Variants in DAB1 observed in about 807,000 individuals in gnomAD.
DAB1 encodes the protein DAB adaptor protein 1, also known as disabled homolog 1.
A neutral mutation model predicts 64.6 loss-of-function variants in DAB1; 15 were observed. The observed-to-expected ratio is 0.23, with a 90% CI of 0.16 to 0.36. The LOEUF is 0.36. DAB1 is among the 10% of genes least tolerant of loss of function. DAB1 has a pLI of 1.00. For synonymous variants in DAB1, 235 were observed against 251.9 expected (o/e 0.93, Z 0.64); for missense variants, 596 against 706.7 (o/e 0.84, Z 1.78).
At chr1:57,705,717 GATCA>G (rs930722266) in intron 6 of DAB1, among the ~76,000 whole-genome samples, 3 of 151,984 alleles carry the variant, frequency 2.0e-5, no homozygotes, top group African/African-American at 7.2e-5. Flanking sequence ...TAATATTGTA[GATCA>G]ATCTTATTTT....
intron 14 of DAB1, among the ~76,000 whole-genome samples, chr1:57,002,490 G>A (rs768507075): frequency 7.9e-5 from 12 of 152,206 alleles, no homozygotes; most frequent in Non-Finnish European, 1.6e-4. Flanking sequence ...GTCATAATGT[G>A]GGGGTAATTC....
At chr1:57,425,940 G>T (rs991230913), upstream of DAB1, among the ~76,000 whole-genome samples, 1 of 152,154 alleles carries the variant, frequency 6.6e-6, no homozygotes, top group Non-Finnish European at 1.5e-5. Context: ...CTTCATCTAT[G>T]AAGACACATC....
intron 1 of DAB1, among the ~76,000 whole-genome samples, chr1:57,422,547 C>T (rs1413295408): frequency 1.3e-5 from 2 of 152,192 alleles, no homozygotes; most frequent in African/African-American, 4.8e-5. Context: ...ACATACACAC[C>T]GGAGCGCACA....
At chr1:57,463,216 A>G (rs1477943921) in intron 7 of DAB1, among the ~76,000 whole-genome samples, 1 of 152,186 alleles carries the variant, frequency 6.6e-6, no homozygotes, top group East Asian at 1.9e-4. Context: ...TGGAGCCTCA[A>G]TCTCCCATGT....
chr1:57,861,494 A>G (rs1654031698), intron 1 of DAB1, among the ~76,000 whole-genome samples: 1 of 152,122 alleles, frequency 6.6e-6, no homozygotes, highest in Admixed American at 6.6e-5. Flanking sequence ...AAATACCATC[A>G]CACTGGGAAT....
intron 7 of DAB1, among the ~76,000 whole-genome samples, chr1:57,465,687 T>A (rs749792625): frequency 1.3e-5 from 2 of 152,204 alleles, no homozygotes; most frequent in Non-Finnish European, 2.9e-5. Context: ...AAAACTGGTA[T>A]AATGAGGTCC....
intron 5 of DAB1, among the ~76,000 whole-genome samples, chr1:58,097,207 C>T (rs1235959162): frequency 6.6e-6 from 1 of 152,104 alleles, no homozygotes; most frequent in Non-Finnish European, 1.5e-5. Flanking sequence ...CTATTTTTAC[C>T]CCCACTTCAC....
At chr1:57,880,974 G>A (rs1644135041) in intron 1 of DAB1, 1 of 152,150 alleles carries the variant, frequency 6.6e-6, no homozygotes, top group African/African-American at 2.4e-5. Context: ...TAGAAAGATG[G>A]TGTCTTTGAA....
At chr1:57,309,195 G>A (rs2100726821) in intron 1 of DAB1, among the ~76,000 whole-genome samples, 1 of 152,286 alleles carries the variant, frequency 6.6e-6, no homozygotes, top group East Asian at 1.9e-4. Context: ...GATGAAGAAT[G>A]ATCTTAGAAA....
At chr1:58,207,609 C>T (rs1485151596) in intron 4 of DAB1, among the ~76,000 whole-genome samples, 1 of 152,186 alleles carries the variant, frequency 6.6e-6, no homozygotes, top group Non-Finnish European at 1.5e-5. Flanking sequence ...GGTTTTAATA[C>T]TGGAAGCCCC....
chr1:58,343,655 G>T (rs1031060056), intron 3 of DAB1, among the ~76,000 whole-genome samples: 1 of 152,226 alleles, frequency 6.6e-6, no homozygotes, highest in African/African-American at 2.4e-5. Context: ...AAACCACATT[G>T]CCAGCGGCAT....
chr1:57,046,680 A>G, intron 9 of DAB1, among the ~76,000 whole-genome samples: 1 of 152,238 alleles, frequency 6.6e-6, no homozygotes, highest in East Asian at 1.9e-4. Flanking sequence ...GACTCACAGC[A>G]GCAGCAGCAG....
intron 5 of DAB1, among the ~76,000 whole-genome samples, chr1:58,113,344 C>G (rs1057134447): frequency 6.6e-6 from 1 of 152,138 alleles, no homozygotes; most frequent in African/African-American, 2.4e-5. Context: ...TTTGGGCAAC[C>G]TGGTGGCTCG....
chr1:57,732,488 G>C (rs1301640101), intron 6 of DAB1, among the ~76,000 whole-genome samples: 1 of 152,168 alleles, frequency 6.6e-6, no homozygotes, highest in Non-Finnish European at 1.5e-5. Context: ...CTACTGGAGA[G>C]AGTACTCTTG....
chr1:57,337,262 T>A (rs1263987802), intron 1 of DAB1, among the ~76,000 whole-genome samples: 1 of 152,254 alleles, frequency 6.6e-6, no homozygotes. Flanking sequence ...CAGATTCTTT[T>A]ATGATATTAT....
chr1:57,369,340 C>T lies in DAB1; in HGVS notation c.-137+54590G>A, dbSNP rs181768780. Among the ~76,000 whole-genome samples the T allele has an allele frequency of 2.3e-3, 350 of 152,280 alleles. 3 individuals carry two copies. The highest frequency in any genetic ancestry group is 3.4e-3 in the Middle Eastern group (1 of 294). ...TCAGGGGTTGATGCCCACGTAGTAT[C>T]AAGATATACATTCAAGGGATTATCT... is the stretch of plus-strand genomic sequence containing the variant. On this transcript the variant is annotated intron_variant, in intron 1 of 14. Coordinates refer to ENST00000371236, the MANE Select transcript of DAB1 (RefSeq NM_001365792.1).
chr1:57,692,278 T>C (rs576441927), intron 6 of DAB1, among the ~76,000 whole-genome samples: 1 of 152,226 alleles, frequency 6.6e-6, no homozygotes, highest in South Asian at 2.1e-4. Flanking sequence ...TCTCTGGTGC[T>C]TTTCTAGCCA....
At chr1:57,398,279 T>G (rs572654902) in intron 1 of DAB1, among the ~76,000 whole-genome samples, 1 of 152,036 alleles carries the variant, frequency 6.6e-6, no homozygotes, top group Admixed American at 6.6e-5. Context: ...AACTAGAACA[T>G]GGGGCCTTAT....
At chr1:57,053,666 G>GTGTATATATATA (rs1553134281) in intron 9 of DAB1, among the ~76,000 whole-genome samples, 2 of 99,192 alleles carry the variant, frequency 2.0e-5, no homozygotes, top group African/African-American at 8.6e-5. Context: ...CTCTCTATAT[G>GTGTATATATATA]TATATATATA....
Sources: gnomAD v4.1 joint callset for allele counts (sites outside exome capture counted in the v4.1 genomes callset) on GRCh38, gnomAD v4.1.1 for gene constraint, MANE v1.5 for transcripts, NCBI Gene and HGNC (gene_info 2026-07-23, HGNC 2026-07-21) for gene names.